FNIP1: variants seen among roughly 807,000 people sequenced by gnomAD.
FNIP1 encodes folliculin interacting protein 1.
FNIP1 carries 40 observed loss-of-function variants against 124.5 expected under a neutral mutation model. The observed-to-expected ratio is 0.32, with a 90% confidence interval of 0.25 to 0.42. The LOEUF is 0.42. Among genes scored for constraint, FNIP1 ranks in the 10% least tolerant of loss-of-function variants. The pLI is 1.00. For missense variants in FNIP1, 1,176 were observed against 1,403.7 expected (o/e 0.84, Z 2.59); for synonymous variants, 472 against 470.6 (o/e 1.00, Z -0.04).
At chr5:131,741,711 C>T (rs1580802287) in intron 2 of FNIP1, among the ~76,000 whole-genome samples, 1 of 152,158 alleles carries the variant, frequency 6.6e-6, no homozygotes, top group Non-Finnish European at 1.5e-5. Flanking sequence ...AGGAAAACTG[C>T]CATGTGTCTT....
chr5:131,760,485 C>T (rs1395402675), intron 1 of FNIP1, among the ~76,000 whole-genome samples: 1 of 152,094 alleles, frequency 6.6e-6, no homozygotes, highest in Admixed American at 6.6e-5. Flanking sequence ...CAGTTAATCT[C>T]TTCTCTTTCT....
chr5:131,703,044 T>C (rs1256287998), intron 10 of FNIP1, among the ~76,000 whole-genome samples: 1 of 152,190 alleles, frequency 6.6e-6, no homozygotes, highest in Non-Finnish European at 1.5e-5. Context: ...CACAAGGATG[T>C]CCATATGCAA....
intron 2 of FNIP1, among the ~76,000 whole-genome samples, chr5:131,737,305 T>G (rs548612387): frequency 5.3e-5 from 8 of 152,324 alleles, no homozygotes; most frequent in South Asian, 2.1e-4. Context: ...AAACAACAGC[T>G]GAGGAGCTGA....
chr5:131,738,848 G>T (rs1355053921), intron 2 of FNIP1, among the ~76,000 whole-genome samples: 1 of 145,392 alleles, frequency 6.9e-6, no homozygotes, highest in African/African-American at 2.6e-5. Flanking sequence ...AGAGGGTCTT[G>T]CTTTGTCACT....
At chr5:131,685,700 C>A (rs1768252401) in intron 11 of FNIP1, among the ~76,000 whole-genome samples, 1 of 152,024 alleles carries the variant, frequency 6.6e-6, no homozygotes, top group Non-Finnish European at 1.5e-5. Context: ...ATGTTCCACC[C>A]TCCTCAGCCT....
chr5:131,709,037 C>T (rs1339199595), intron 8 of FNIP1, among the ~76,000 whole-genome samples, 164 bp downstream of exon 8: 1 of 152,000 alleles, frequency 6.6e-6, no homozygotes, highest in Non-Finnish European at 1.5e-5. Flanking sequence ...TAAAAGTAAA[C>T]ATGAAAAATA....
chr5:131,696,422 A>G (rs1404720773), intron 11 of FNIP1, among the ~76,000 whole-genome samples: 1 of 146,680 alleles, frequency 6.8e-6, no homozygotes, highest in African/African-American at 2.8e-5. Context: ...TCAGATATAA[A>G]GAGTGAAGAT....
chr5:131,743,258 A>G (rs1770569156), intron 2 of FNIP1, among the ~76,000 whole-genome samples: 1 of 152,170 alleles, frequency 6.6e-6, no homozygotes, highest in South Asian at 2.1e-4. Context: ...ACAATGTTTG[A>G]TTTCTAGACA....
chr5:131,705,346 G>C (rs1276776681), intron 9 of FNIP1, among the ~76,000 whole-genome samples: 1 of 151,860 alleles, frequency 6.6e-6, no homozygotes, highest in Non-Finnish European at 1.5e-5. Context: ...GTGGTGGCAA[G>C]CCTGTAGTTC....
chr5:131,720,742 C>T (rs1231970925), intron 3 of FNIP1, among the ~76,000 whole-genome samples: 2 of 152,120 alleles, frequency 1.3e-5, no homozygotes, highest in Non-Finnish European at 2.9e-5. Context: ...CCAACTGATA[C>T]AGGAGAAACG....
intron 1 of FNIP1, among the ~76,000 whole-genome samples, chr5:131,755,860 T>G (rs190002990): frequency 1.3e-4 from 20 of 152,034 alleles, no homozygotes; most frequent in Non-Finnish European, 1.8e-4. Context: ...AATATAAAAA[T>G]TAGTTGGGCA....
intron 2 of FNIP1, among the ~76,000 whole-genome samples, chr5:131,731,524 C>T (rs1770092443): frequency 6.6e-6 from 1 of 151,906 alleles, no homozygotes; most frequent in East Asian, 1.9e-4. Context: ...CATGGTGGCA[C>T]ATGCCTGTAA....
chr5:131,792,444 A>G (rs1315412928), intron 1 of FNIP1, among the ~76,000 whole-genome samples: 1 of 152,180 alleles, frequency 6.6e-6, no homozygotes, highest in African/African-American at 2.4e-5. Flanking sequence ...TACAGGCATG[A>G]GCCACCGTGC....
At chr5:131,751,864 G>T (rs1459554749) in intron 1 of FNIP1, among the ~76,000 whole-genome samples, 1 of 152,124 alleles carries the variant, frequency 6.6e-6, no homozygotes, top group Admixed American at 6.6e-5. Context: ...AAATGTTCTG[G>T]AATTAGACAG....
chr5:131,787,536 C>A (rs1246911592), intron 1 of FNIP1, among the ~76,000 whole-genome samples: 2 of 152,314 alleles, frequency 1.3e-5, no homozygotes, highest in East Asian at 3.9e-4. Flanking sequence ...TGGTTAAGAA[C>A]AAAGGCTCTA....
Position 131,647,111 on chromosome 5 carries a change from T to C in FNIP1, c.3401A>G (p.Lys1134Arg), listed in dbSNP as rs1291010163. 3 of 1,614,142 alleles carry C rather than the reference T, an allele frequency of 1.9e-6. No homozygotes were observed. The highest frequency in any genetic ancestry group is 2.5e-6 in the Non-Finnish European group (3 of 1,180,002). The part of the protein sequence containing the change: ...YLRGQMRVHV[K>R]ELGVVLGIES... ...ATACCCCAGAACCACTCCCAGCTCC[T>C]TGACATGAACACGCATCTGCCCCCT... The change falls in exon 17 of 18, where the codon AAG becomes AGG. Residue 1134 changes from lysine to arginine, a missense_variant. Transcript: ENST00000510461.
At chr5:131,748,428 T>C (rs984305140) in intron 1 of FNIP1, among the ~76,000 whole-genome samples, 5 of 152,130 alleles carry the variant, frequency 3.3e-5, no homozygotes, top group African/African-American at 4.8e-5. Flanking sequence ...GTGCAGTGGC[T>C]CACACCTGTA....
intron 1 of FNIP1, among the ~76,000 whole-genome samples, chr5:131,777,868 T>A (rs1175671011): frequency 2.0e-5 from 3 of 152,182 alleles, no homozygotes; most frequent in African/African-American, 7.2e-5. Context: ...TTTTTGCTAG[T>A]CCTCCAGGTG....
chr5:131,676,255 C>T (rs553072622), intron 13 of FNIP1, among the ~76,000 whole-genome samples: 4 of 152,222 alleles, frequency 2.6e-5, no homozygotes, highest in South Asian at 2.1e-4. Flanking sequence ...CCTCATGATC[C>T]GCCTGCCTCG....
Sources: gnomAD v4.1 joint callset for allele counts (sites outside exome capture counted in the v4.1 genomes callset) on GRCh38, gnomAD v4.1.1 for gene constraint, MANE v1.5 for transcripts, NCBI Gene and HGNC (gene_info 2026-07-23, HGNC 2026-07-21) for gene names.